The following VWA3B variants were observed in gnomAD, a reference collection of about 807,000 sequenced individuals.
VWA3B encodes von Willebrand factor A domain-containing protein 3B.
A neutral mutation model predicts 158.3 loss-of-function variants in VWA3B; 138 were observed. The observed-to-expected ratio is 0.87, with a 90% CI of 0.76 to 1.00. The LOEUF is 1.00. VWA3B is among the 50% of genes least tolerant of loss of function. VWA3B has a pLI of 0.00. For synonymous variants in VWA3B, 596 were observed against 587.3 expected, an observed-to-expected ratio of 1.01 and a Z score of -0.21; for missense variants, 1,555 against 1,565.1, an observed-to-expected ratio of 0.99 and a Z score of 0.11.
intron 2 of VWA3B, among the ~76,000 whole-genome samples, chr2:98,102,279 A>G (rs1033938753): frequency 1.3e-5 from 2 of 152,194 alleles, no homozygotes; most frequent in African/African-American, 4.8e-5. Flanking sequence ...TTCTTTCTAC[A>G]CAGACACAGT....
At chr2:98,151,084 T>G (rs761977372) in intron 7 of VWA3B, among the ~76,000 whole-genome samples, 1 of 152,190 alleles carries the variant, frequency 6.6e-6, no homozygotes, top group Non-Finnish European at 1.5e-5. Context: ...TGCAGTTTGA[T>G]TAACATGGAA....
Position 98,163,589 on chromosome 2 carries a change from C to T in VWA3B, c.1114+613C>T, listed in dbSNP as rs564285324. 3.3e-5 allele frequency among the ~76,000 whole-genome samples: 5 copies of T among 152,260 alleles called. No individual in the cohort carries two copies. In the East Asian group the frequency reaches 9.6e-4, roughly 29 times the overall value. ...AATAACAAAACAGATTCTTGACAAA[C>T]TCTTGTATACTAAGGAAAACCAGAC... On this transcript the variant is annotated intron_variant, in intron 8 of 27. Transcript: ENST00000477737.
chr2:98,116,837 T>A (rs576530283), intron 3 of VWA3B, among the ~76,000 whole-genome samples: 1 of 152,352 alleles, frequency 6.6e-6, no homozygotes, highest in East Asian at 1.9e-4. Context: ...TTTTCTTTAT[T>A]TTTGTCTGCC....
chr2:98,186,543 A>T (rs1213721569), intron 9 of VWA3B, among the ~76,000 whole-genome samples: 2 of 151,528 alleles, frequency 1.3e-5, no homozygotes, highest in African/African-American at 4.9e-5. Flanking sequence ...CTATCAATTG[A>T]TTGCAACTCC....
chr2:98,297,626 CT>C (rs1478963903), intron 23 of VWA3B, among the ~76,000 whole-genome samples: 2 of 152,164 alleles, frequency 1.3e-5, no homozygotes, highest in African/African-American at 4.8e-5. Context: ...ACCCATGTTC[CT>C]GTCAGGATGG....
At chr2:98,089,161 C>T (rs1682090058) in intron 1 of VWA3B, among the ~76,000 whole-genome samples, 1 of 152,124 alleles carries the variant, frequency 6.6e-6, no homozygotes, top group Non-Finnish European at 1.5e-5. Flanking sequence ...TGAACAAAAT[C>T]AGGATTCTCT....
At chr2:98,108,321 G>C (rs1336770294) in intron 2 of VWA3B, among the ~76,000 whole-genome samples, 1 of 152,202 alleles carries the variant, frequency 6.6e-6, no homozygotes, top group Admixed American at 6.5e-5. Flanking sequence ...CTTGAAAAGA[G>C]TGTGTATTCT....
intron 25 of VWA3B, among the ~76,000 whole-genome samples, chr2:98,301,836 T>C (rs1464319698): frequency 6.6e-6 from 1 of 152,224 alleles, no homozygotes; most frequent in African/African-American, 2.4e-5. Flanking sequence ...GAATCTTTGT[T>C]GACAGGAAGC....
At chr2:98,253,468 CTG>C (rs1686931759) in intron 20 of VWA3B, among the ~76,000 whole-genome samples, 1 of 152,080 alleles carries the variant, frequency 6.6e-6, no homozygotes, top group African/African-American at 2.4e-5. Context: ...CTTTGTGTGT[CTG>C]AGTATAAGCT....
At chr2:98,155,932 C>T (rs1473283166) in intron 7 of VWA3B, among the ~76,000 whole-genome samples, 1 of 152,170 alleles carries the variant, frequency 6.6e-6, no homozygotes. Flanking sequence ...CATGTATTTA[C>T]ATGCCTCTCT....
chr2:98,291,720 G>T (rs1036568481), intron 23 of VWA3B: 2 of 152,370 alleles, frequency 1.3e-5, no homozygotes, highest in Non-Finnish European at 1.5e-5. Context: ...TACAGGAGAT[G>T]GTGGTGTGGA....
At chr2:98,294,260 G>A (rs898563484) in intron 23 of VWA3B, among the ~76,000 whole-genome samples, 3 of 147,914 alleles carry the variant, frequency 2.0e-5, no homozygotes, top group Non-Finnish European at 4.5e-5. Context: ...GCAGAGCATA[G>A]GCTTGATGTC....
At chr2:98,168,113 C>T (rs572352163) in intron 8 of VWA3B, among the ~76,000 whole-genome samples, 8 of 152,120 alleles carry the variant, frequency 5.3e-5, no homozygotes, top group Non-Finnish European at 8.8e-5. Flanking sequence ...AAATGTCATC[C>T]GTGATAAGTA....
intron 26 of VWA3B, among the ~76,000 whole-genome samples, chr2:98,308,547 C>T (rs2106016003): frequency 6.6e-6 from 1 of 152,370 alleles, no homozygotes; most frequent in East Asian, 1.9e-4. Flanking sequence ...ATCCTCTCTC[C>T]TTGCCAGGGC....
chr2:98,254,153 G>A (rs560848455), intron 20 of VWA3B, among the ~76,000 whole-genome samples: 32 of 152,264 alleles, frequency 2.1e-4, no homozygotes, highest in African/African-American at 7.0e-4. Flanking sequence ...TGAGCTATTC[G>A]TGATCACTTT....
At chr2:98,313,637 A>T (rs1219239998), downstream of VWA3B, among the ~76,000 whole-genome samples, 1 of 152,184 alleles carries the variant, frequency 6.6e-6, no homozygotes, top group African/African-American at 2.4e-5. Flanking sequence ...CAATTATTCA[A>T]CAAGCAATTT....
intron 14 of VWA3B, among the ~76,000 whole-genome samples, chr2:98,224,852 C>T (rs1234066962): frequency 1.3e-5 from 2 of 151,720 alleles, no homozygotes; most frequent in Non-Finnish European, 1.5e-5. Flanking sequence ...TTTTGAAATA[C>T]ATCATGCAAA....
At chr2:98,300,557 G>T (rs956503436) in intron 25 of VWA3B, among the ~76,000 whole-genome samples, 5 of 151,808 alleles carry the variant, frequency 3.3e-5, no homozygotes, top group African/African-American at 7.3e-5. Flanking sequence ...CTCCTCCTCC[G>T]CCTCCTCAGA....
rs1034770045 is a variant in VWA3B at position 98,273,373 on chromosome 2, T to C, written c.3045+2490T>C. ...CAAAAGCTATGTCTTTTGTGCAGAATGTAAAATTTTTATCACAGAAGGTCA... is the reference window on the plus strand; with the variant it reads ...CAAAAGCTATGTCTTTTGTGCAGAACGTAAAATTTTTATCACAGAAGGTCA... On this transcript the variant is annotated intron_variant, in intron 22 of 27. Transcript: ENST00000477737. Among the ~76,000 whole-genome samples, 14 of 152,378 alleles carry C rather than the reference T, an allele frequency of 9.2e-5. 1 individual carries two copies. The highest frequency in any genetic ancestry group is 2.4e-4 in the African/African-American group (10 of 41,588).
Sources: allele counts gnomAD v4.1 joint callset (sites outside exome capture counted in the v4.1 genomes callset), GRCh38; gene constraint gnomAD v4.1.1; transcripts MANE v1.5; gene names NCBI Gene and HGNC (gene_info 2026-07-23, HGNC 2026-07-21).